The following GRIK2 variants were observed in gnomAD, a reference collection of about 807,000 sequenced individuals.
GRIK2 encodes the protein glutamate receptor ionotropic, kainate 2.
Under a neutral mutation model 100.3 loss-of-function variants are expected in GRIK2, and 32 were observed. The observed-to-expected ratio is 0.32, with a 90% CI of 0.24 to 0.43. The LOEUF (loss-of-function observed/expected upper bound fraction) is 0.43. GRIK2 is among the 20% of genes least tolerant of loss of function. The pLI is 1.00. For synonymous variants in GRIK2, 417 were observed against 389.4 expected, an observed-to-expected ratio of 1.07 and a Z score of -0.83; for missense variants, 843 against 1,114.9, an observed-to-expected ratio of 0.76 and a Z score of 3.47.
chr6:101,547,230 A>T (rs1776288609), intron 2 of GRIK2, among the ~76,000 whole-genome samples: 1 of 152,218 alleles, frequency 6.6e-6, no homozygotes, highest in African/African-American at 2.4e-5. Context: ...AAATCATGAA[A>T]ACAAAGGATG....
intron 4 of GRIK2, among the ~76,000 whole-genome samples, chr6:101,642,320 T>A (rs932658331): frequency 7.9e-5 from 12 of 151,786 alleles, no homozygotes; most frequent in Non-Finnish European, 7.4e-5. Flanking sequence ...AATATTCACA[T>A]TGTAGTGCAA....
At chr6:101,875,585 C>T (rs73761453) in intron 11 of GRIK2, among the ~76,000 whole-genome samples, 2,411 of 151,690 alleles carry the variant, frequency 0.016, 68 homozygotes, top group African/African-American at 0.055. Flanking sequence ...ATGAAAATTT[C>T]ATTTCTGTTT....
intron 14 of GRIK2, among the ~76,000 whole-genome samples, chr6:102,022,491 C>T (rs2114370399): frequency 6.6e-6 from 1 of 151,786 alleles, no homozygotes; most frequent in South Asian, 2.1e-4. Context: ...TGTGCCACTG[C>T]ATTCCAGCCC....
chr6:101,760,255 C>T (rs1383655296), intron 7 of GRIK2, among the ~76,000 whole-genome samples: 1 of 142,154 alleles, frequency 7.0e-6, no homozygotes, highest in Non-Finnish European at 1.5e-5. Flanking sequence ...TTTTTATAAA[C>T]TACCTAAATA....
intron 14 of GRIK2, among the ~76,000 whole-genome samples, chr6:102,009,625 A>G (rs1795416238): frequency 6.6e-6 from 1 of 152,156 alleles, no homozygotes; most frequent in South Asian, 2.1e-4. Flanking sequence ...CTAAAACTTT[A>G]TATACAAAAA....
At chr6:102,045,212 T>C (rs1180392090) in intron 15 of GRIK2, among the ~76,000 whole-genome samples, 1 of 152,002 alleles carries the variant, frequency 6.6e-6, no homozygotes, top group Non-Finnish European at 1.5e-5. Context: ...ATTTAGCAAG[T>C]TTTTACAAAT....
intron 2 of GRIK2, among the ~76,000 whole-genome samples, chr6:101,519,176 T>C (rs1158850873): frequency 6.6e-6 from 1 of 152,116 alleles, no homozygotes; most frequent in Non-Finnish European, 1.5e-5. Flanking sequence ...TATACTAGCA[T>C]GCACAAATAT....
At chr6:101,811,140 A>G (rs1413662522) in intron 9 of GRIK2, among the ~76,000 whole-genome samples, 1 of 152,040 alleles carries the variant, frequency 6.6e-6, no homozygotes, top group African/African-American at 2.4e-5. Context: ...GTTGGGGGCA[A>G]CTCATTACTG....
chr6:101,443,224 A>G (rs757479897), intron 2 of GRIK2, among the ~76,000 whole-genome samples: 5 of 152,310 alleles, frequency 3.3e-5, no homozygotes, highest in South Asian at 2.1e-4. Context: ...TCCTATGTAT[A>G]GGTAAATAAA....
At chr6:101,471,030 G>A (rs1771920862) in intron 2 of GRIK2, among the ~76,000 whole-genome samples, 1 of 151,938 alleles carries the variant, frequency 6.6e-6, no homozygotes, top group South Asian at 2.1e-4. Flanking sequence ...GTGTCATTAT[G>A]CAAAATAATA....
In GRIK2 at chr6:101,442,160, G is replaced by A. The variant is rs529706744; in HGVS notation, c.115+42768G>A. Among the ~76,000 whole-genome samples, 274 of 152,286 alleles carry A rather than the reference G, an allele frequency of 1.8e-3. 1 individual carries two copies. The highest frequency in any genetic ancestry group is 3.5e-3 in the Admixed American group (53 of 15,284). Reference sequence around the variant, plus strand: ...ACAGATGTGTCTGAAAATGTTGTAGGACTGTCTCCTTAGTTCAGCCAAAAA... The same window carrying A: ...ACAGATGTGTCTGAAAATGTTGTAGAACTGTCTCCTTAGTTCAGCCAAAAA... On this transcript the variant is annotated intron_variant, in intron 2 of 16. Coordinates refer to ENST00000369134, the MANE Select transcript of GRIK2 (RefSeq NM_021956.5).
At position 101,561,919 on chromosome 6, in the gene GRIK2, T is replaced by A. The variant is rs1777039815; in HGVS notation, c.116-60030T>A. Among the ~76,000 whole-genome samples the A allele has an allele frequency of 2.0e-5, 3 of 152,248 alleles. No homozygotes were observed. The South Asian group carries it at 6.2e-4, about 32-fold the overall frequency. ...GATAGATATTAAAAATCAGAGAACA[T>A]TAGATTTATCTGAGCTAGAAAAAAT... On this transcript the variant is annotated intron_variant, in intron 2 of 16. Transcript: ENST00000369134.
intron 4 of GRIK2, among the ~76,000 whole-genome samples, chr6:101,633,027 T>A (rs922161177): frequency 6.6e-6 from 1 of 152,048 alleles, no homozygotes; most frequent in African/African-American, 2.4e-5. Context: ...TGTCAGGAAA[T>A]TGCAAGCACT....
At chr6:101,624,632 T>C (rs1411759461) in intron 3 of GRIK2, among the ~76,000 whole-genome samples, 4 of 152,190 alleles carry the variant, frequency 2.6e-5, no homozygotes, top group African/African-American at 7.2e-5. Flanking sequence ...GAACACCTAA[T>C]TTATGCCTAA....
intron 7 of GRIK2, among the ~76,000 whole-genome samples, chr6:101,764,498 G>A (rs2066776814): frequency 2.0e-5 from 3 of 152,054 alleles, no homozygotes; most frequent in Admixed American, 2.0e-4. Flanking sequence ...AGAAAAGCAA[G>A]GTGAGAGAAT....
intron 2 of GRIK2, among the ~76,000 whole-genome samples, chr6:101,595,358 T>C (rs1236882137): frequency 6.6e-6 from 1 of 151,606 alleles, no homozygotes; most frequent in Non-Finnish European, 1.5e-5. Context: ...TACTCTGCTT[T>C]GTAAAAGCAC....
chr6:101,497,010 AT>A (rs1238953357), intron 2 of GRIK2, among the ~76,000 whole-genome samples: 3 of 152,182 alleles, frequency 2.0e-5, no homozygotes, highest in African/African-American at 7.2e-5. Flanking sequence ...AATAGATCTA[AT>A]TCACCCTGTC....
chr6:102,062,094 C>T (rs114188426), intron 16 of GRIK2, among the ~76,000 whole-genome samples: 1,933 of 149,840 alleles, frequency 0.013, 45 homozygotes, highest in African/African-American at 0.045. Context: ...TTTTCTCCAT[C>T]CCATTGTGTT....
chr6:101,780,993 C>A (rs1264406253), intron 7 of GRIK2, among the ~76,000 whole-genome samples: 2 of 152,176 alleles, frequency 1.3e-5, no homozygotes, highest in South Asian at 2.1e-4. Flanking sequence ...TTATTTTGTC[C>A]TCTGAACTAA....
Sources: gnomAD v4.1 joint callset for allele counts (sites outside exome capture counted in the v4.1 genomes callset) on GRCh38, gnomAD v4.1.1 for gene constraint, MANE v1.5 for transcripts, NCBI Gene and HGNC (gene_info 2026-07-23, HGNC 2026-07-21) for gene names.